The following RANGAP1 variants were observed in gnomAD, a reference collection of about 807,000 sequenced individuals.
RANGAP1 encodes Ran GTPase activating protein 1, also known as ran GTPase-activating protein 1.
Under a neutral mutation model 63.5 loss-of-function variants are expected in RANGAP1, and 38 were observed. The observed-to-expected ratio is 0.60, with a 90% CI of 0.46 to 0.78. The LOEUF (loss-of-function observed/expected upper bound fraction) is 0.78, where lower values mean the gene tolerates loss of function less well. RANGAP1 is among the 30% of genes least tolerant of loss of function. The pLI is 0.00. For synonymous variants in RANGAP1, 329 were observed against 310.5 expected (o/e 1.06, Z -0.63); for missense variants, 630 against 740.3 (o/e 0.85, Z 1.73).
intron 3 of RANGAP1, among the ~76,000 whole-genome samples, chr22:41,268,661 T>TG (rs1269670616): frequency 6.6e-6 from 1 of 152,182 alleles, no homozygotes; most frequent in Non-Finnish European, 1.5e-5. Flanking sequence ...CAAGAGTTAT[T>TG]GGGGGCTCAC....
At chr22:41,264,936 G>A (rs1158032412) in intron 4 of RANGAP1, 93 bp from the exon 5 acceptor site, 3 of 1,330,584 alleles carry the variant, frequency 2.3e-6, no homozygotes, top group African/African-American at 1.5e-5. Context: ...GCCTTCCAAG[G>A]ACACCCCGGC....
At chr22:41,272,667 C>T (rs532968810) in intron 3 of RANGAP1, among the ~76,000 whole-genome samples, 1 of 152,222 alleles carries the variant, frequency 6.6e-6, no homozygotes, top group African/African-American at 2.4e-5. Flanking sequence ...ACTACAGGCA[C>T]ACGCCACCAC....
At chr22:41,246,763 T>G in intron 15 of RANGAP1, 91 bp from the exon 16 acceptor site, 1 of 1,227,612 alleles carries the variant, frequency 8.1e-7, no homozygotes, top group Non-Finnish European at 1.2e-6. Flanking sequence ...CTCATTTTTG[T>G]TAATTTGCAC....
At chr22:41,267,063 A>T (rs2034524112) in intron 4 of RANGAP1, among the ~76,000 whole-genome samples, 1 of 147,704 alleles carries the variant, frequency 6.8e-6, no homozygotes, top group South Asian at 2.2e-4. Flanking sequence ...TATTTTTAGT[A>T]AGACGGGGTT....
At chr22:41,248,575 C>A (rs906788547) in intron 15 of RANGAP1, among the ~76,000 whole-genome samples, 10 of 152,252 alleles carry the variant, frequency 6.6e-5, no homozygotes, top group Non-Finnish European at 1.5e-4. Flanking sequence ...ATGGCGCCGA[C>A]TGACTGGAAG....
At chr22:41,298,425 C>T in the RANGAP1 span, among the ~76,000 whole-genome samples, 2 of 152,162 alleles carry the variant, frequency 1.3e-5, no homozygotes, top group African/African-American at 4.8e-5. Flanking sequence ...AGCGATTCTC[C>T]TGCCTTAGCC....
the RANGAP1 span, among the ~76,000 whole-genome samples, chr22:41,301,147 T>G: frequency 2.1e-4 from 32 of 152,230 alleles, no homozygotes; most frequent in African/African-American, 7.5e-4. Context: ...TTCTTCTATG[T>G]GTCTCCGGTT....
At chr22:41,261,055 T>C (rs1368622712) in intron 6 of RANGAP1, among the ~76,000 whole-genome samples, 2 of 152,138 alleles carry the variant, frequency 1.3e-5, no homozygotes, top group African/African-American at 4.8e-5. Flanking sequence ...TATCTCCCTG[T>C]CTTGGAGGTC....
At chr22:41,270,873 A>G (rs2034773506) in intron 3 of RANGAP1, among the ~76,000 whole-genome samples, 1 of 152,222 alleles carries the variant, frequency 6.6e-6, no homozygotes, top group African/African-American at 2.4e-5. Flanking sequence ...GGAGCGCCAC[A>G]GTCCCTCACA....
Position 41,261,568 on chromosome 22 carries a change from C to A in RANGAP1, c.493G>T (p.Ala165Ser), listed in dbSNP as rs755393784. 2 of 1,614,240 alleles carry A rather than the reference C, an allele frequency of 1.2e-6. No homozygotes were observed. Among genetic ancestry groups the A allele is most frequent in the South Asian group, 2.2e-5 (2 of 91,090 alleles). The change falls in exon 6 of 16, where the codon GCT (alanine) becomes TCT (serine). Residue 165 changes from alanine to serine, a missense_variant. Physicochemically the swap from Ala to Ser is moderately conservative, Grantham distance 99. Transcript: ENST00000356244. ...GIGGGKILAA[A>S]LTECHRKSSA... is the part of the protein sequence containing the mutation. ...GATTTCCGGTGACATTCGGTCAGAG[C>A]TGCAGCCAGGATCTGTGGGGAAAGG...
intron 13 of RANGAP1, 83 bp downstream of exon 13, chr22:41,250,924 A>C: frequency 8.6e-7 from 1 of 1,166,332 alleles, no homozygotes; most frequent in Non-Finnish European, 1.3e-6. Context: ...GGGGCTGACG[A>C]GTTACGGCAA....
chr22:41,253,076 A>G (rs996065086), intron 11 of RANGAP1, 85 bp from the exon 12 acceptor site: 4 of 1,287,582 alleles, frequency 3.1e-6, no homozygotes, highest in Non-Finnish European at 4.0e-6. Context: ...CACCCAGCAC[A>G]TCCACCCTTC....
the RANGAP1 span, among the ~76,000 whole-genome samples, chr22:41,297,647 C>T: frequency 6.7e-6 from 1 of 149,940 alleles, no homozygotes; most frequent in African/African-American, 2.5e-5. Context: ...GCTCACCCTC[C>T]TGAATAGCTG....
intron 3 of RANGAP1, 77 bp from the exon 4 acceptor site, chr22:41,268,233 T>C (rs1299797569): frequency 1.7e-6 from 2 of 1,197,296 alleles, no homozygotes; most frequent in Non-Finnish European, 2.4e-6. Flanking sequence ...CCTGGTGGAT[T>C]TGAACTACCA....
intron 5 of RANGAP1, among the ~76,000 whole-genome samples, chr22:41,264,017 C>A (rs933060261): frequency 4.6e-5 from 7 of 152,252 alleles, no homozygotes; most frequent in African/African-American, 1.7e-4. Context: ...ACTGCTGTTA[C>A]TTCTGTGTCC....
rs1336371954 is a variant in RANGAP1, at chr22:41,245,439, C to T, written c.*1164G>A. 6.6e-6 allele frequency among the ~76,000 whole-genome samples: 1 copy of T among 152,230 alleles called. No homozygotes were observed. Among genetic ancestry groups the T allele is most frequent in the Non-Finnish European group, 1.5e-5 (1 of 68,036 alleles). On this transcript the variant is annotated 3_prime_UTR_variant, in exon 16 of 16. Transcript: ENST00000356244. ...AGGTGTGGCCAGGCAGGAAAATGGGCCCCCACTCAGGACTGCCACTTCCCA... is the reference window on the plus strand; with the variant it reads ...AGGTGTGGCCAGGCAGGAAAATGGGTCCCCACTCAGGACTGCCACTTCCCA...
At chr22:41,276,283 A>C (rs2145824162) in intron 2 of RANGAP1, among the ~76,000 whole-genome samples, 1 of 152,308 alleles carries the variant, frequency 6.6e-6, no homozygotes, top group Non-Finnish European at 1.5e-5. Flanking sequence ...TTGAAGTAAA[A>C]TGTTCTCAAT....
At chr22:41,295,366 C>T in the RANGAP1 span, among the ~76,000 whole-genome samples, 244 of 152,030 alleles carry the variant, frequency 1.6e-3, 1 homozygote, top group Non-Finnish European at 3.1e-3. Context: ...AAAAATTCTT[C>T]TGCCTTGGGA....
intron 15 of RANGAP1, among the ~76,000 whole-genome samples, chr22:41,247,785 C>T (rs901743818): frequency 1.3e-5 from 2 of 152,216 alleles, no homozygotes; most frequent in Admixed American, 6.5e-5. Context: ...AGCCAGTGAA[C>T]AGGCCAGGAT....
Sources: allele counts gnomAD v4.1 joint callset (sites outside exome capture counted in the v4.1 genomes callset), GRCh38; gene constraint gnomAD v4.1.1; transcripts MANE v1.5; gene names NCBI Gene and HGNC (gene_info 2026-07-23, HGNC 2026-07-21).